MAST1: variants seen among roughly 807,000 people sequenced by gnomAD.
The protein encoded by MAST1 is microtubule associated serine/threonine kinase 1.
In MAST1, 40 loss-of-function variants were observed where a neutral mutation model predicts 124.6. That is an observed-to-expected ratio of 0.32 (90% CI 0.25 to 0.42). MAST1 has a LOEUF of 0.42. MAST1 is among the 10% of genes least tolerant of loss of function. MAST1 has a pLI of 1.00. For missense variants in MAST1, 1,558 were observed against 2,181.9 expected (o/e 0.71, Z 5.70); for synonymous variants, 938 against 939.4 (o/e 1.00, Z 0.03).
chr19:12,840,529 A>T lies in MAST1; in HGVS notation c.167A>T (p.His56Leu). 6.2e-7 allele frequency: 1 copy of T among 1,613,104 alleles called. No individual in the cohort carries two copies. Among genetic ancestry groups the T allele is most frequent in the Non-Finnish European group, 8.5e-7 (1 of 1,179,262 alleles). Residue 56 changes from histidine to leucine, a missense_variant, in exon 2 of 26, where the codon CAC becomes CTC. His to Leu is a moderately conservative substitution (Grantham distance 99, BLOSUM62 -3). Coordinates refer to ENST00000251472, the MANE Select transcript of MAST1 (RefSeq NM_014975.3). ...AGACCCCACTCCCCGCTGCCAGGTC[A>T]CCTAGGTGAGGCCAGTGGTAGAGAC... ...LPRPHSPLPG[H>L]LGSSPLDSPR...
chr19:12,865,851 A>G lies in MAST1; in HGVS notation c.1906+33A>G, dbSNP rs1380054403. The G allele has an allele frequency of 3.7e-6, 6 of 1,603,198 alleles. No individual in the cohort carries two copies. The Admixed American group carries it at 1.0e-4, about 27-fold the overall frequency. On this transcript the variant is annotated intron_variant, in intron 16 of 25. Coordinates refer to ENST00000251472, the MANE Select transcript of MAST1 (RefSeq NM_014975.3). This position sits in a 1 kb window ranked among gnomAD's most constrained non-coding sequence, Gnocchi z 7.1. The stretch of plus-strand genomic sequence containing the variant: ...CGCCATGCAGAGGAGCTGAGGGCCC[A>G]CTGATAGAGAGCAGGCCTCCAAAAC...
chr19:12,873,947 G>T lies in MAST1; in HGVS notation c.3790G>T (p.Val1264Leu). 1.3e-6 allele frequency: 2 copies of T among 1,595,110 alleles called. No individual in the cohort carries two copies. The highest frequency in any genetic ancestry group is 1.7e-6 in the Non-Finnish European group (2 of 1,177,276). ...CCCTCGCTCGCCGCTCCTCAAGCGC[G>T]TGCAGTCGGCCGAGAAGCTGGGAGC... is the stretch of plus-strand genomic sequence containing the variant. The part of the protein sequence containing the change: ...EPPRSPLLKR[V>L]QSAEKLGASL... The change falls in exon 26 of 26, where the codon GTG becomes TTG. Residue 1264 changes from valine to leucine, a missense_variant. Transcript: ENST00000251472.
Position 12,871,099 on chromosome 19 carries a change from G to C in MAST1, c.3190G>C (p.Ala1064Pro). 3 of 1,614,168 alleles carry C rather than the reference G, an allele frequency of 1.9e-6. No individual in the cohort carries two copies. The highest frequency in any genetic ancestry group is 2.5e-6 in the Non-Finnish European group (3 of 1,180,032). Reference sequence around the variant, plus strand: ...AAATACCTCTATCCGCATTGGTCCCGCAAGGCGCAGCAGCTACAAGGCTAA... The same window carrying C: ...AAATACCTCTATCCGCATTGGTCCCCCAAGGCGCAGCAGCTACAAGGCTAA... ...FENTSIRIGP[A>P]RRSSYKAKMA... Residue 1064 changes from alanine (A) to proline (P), a missense_variant, in exon 24 of 26, where the codon GCA becomes CCA. Physicochemically the swap from Ala to Pro is conservative, Grantham distance 27. Transcript: ENST00000251472.
At chr19:12,873,171 TA>T in intron 24 of MAST1, 152 bp from the exon 25 acceptor site, 1 of 706,122 alleles carries the variant, frequency 1.4e-6, no homozygotes, top group Non-Finnish European at 2.3e-6. Flanking sequence ...AGCACTGAGC[TA>T]AAGGAAGTTC....
At chr19:12,871,913 CA>C (rs34674708) in intron 24 of MAST1, among the ~76,000 whole-genome samples, 16,465 of 61,308 alleles carry the variant, frequency 0.27, 736 homozygotes, top group East Asian at 0.48. Context: ...TAGACTCTTT[CA>C]AAAAAAAAAA....
chr19:12,841,077 C>T lies in MAST1; in HGVS notation c.248+11C>T. 1 of 1,459,580 alleles carries T rather than the reference C, an allele frequency of 6.9e-7. No homozygotes were observed. The allele number at this position is 1,459,580 out of a possible 1,614,324, so 90.4% of individuals were successfully genotyped here. ...TGCCTCCTCCCGAAGGTGAGTCCCT[C>T]CCCTCCAGGGCCCCAGAACCCTGGG... On this transcript the variant is annotated intron_variant, in intron 3 of 25. Transcript: ENST00000251472. This position sits in a 1 kb window ranked among gnomAD's most constrained non-coding sequence, Gnocchi z 4.3.
At chr19:12,855,924 C>T (rs1314575963) in intron 10 of MAST1, among the ~76,000 whole-genome samples, 2 of 150,104 alleles carry the variant, frequency 1.3e-5, no homozygotes, top group Admixed American at 1.3e-4. Flanking sequence ...AGCAAATTCT[C>T]CTTGTAATTC....
chr19:12,874,039 C>A lies in MAST1; in HGVS notation c.3882C>A (p.Phe1294Leu). 6.2e-7 allele frequency: 1 copy of A among 1,605,380 alleles called. No individual in the cohort carries two copies. Residue 1294 changes from phenylalanine to leucine, a missense_variant, in exon 26 of 26, where the codon TTC (phenylalanine) becomes TTA (leucine). By Grantham distance (22) the Phe-to-Leu change is conservative (BLOSUM62 0). This residue lies in a region of MAST1 where 263 missense variants were observed against 310.9 expected (regional missense o/e 0.85). Transcript: ENST00000251472. This position sits in a 1 kb window ranked among gnomAD's most constrained non-coding sequence, Gnocchi z 6.6. The part of the protein sequence containing the change: ...KHSLEVGHPD[F>L]RKDFHGELAL... The stretch of plus-strand genomic sequence containing the variant: ...GCCTCGAGGTGGGCCACCCGGATTT[C>A]CGCAAGGACTTCCATGGCGAGCTGG...
chr19:12,839,322 A>C (rs1323162027), intron 1 of MAST1, among the ~76,000 whole-genome samples: 1 of 152,150 alleles, frequency 6.6e-6, no homozygotes, highest in Non-Finnish European at 1.5e-5. Context: ...GCACAGACAC[A>C]CAGGGGCACC....
rs1969902592 is a variant in MAST1, at chr19:12,847,087, C to G, written c.328-203C>G. 1 of 574,626 alleles carries G rather than the reference C, an allele frequency of 1.7e-6. No individual in the cohort carries two copies. The highest frequency in any genetic ancestry group is 2.9e-5 in the East Asian group (1 of 34,490). 35.6% of individuals were successfully genotyped at this position (574,626 alleles called of 1,614,324 possible). A position where few individuals can be genotyped will look rare whatever the true frequency, so the allele number is the denominator to read the frequency against. The stretch of plus-strand genomic sequence containing the variant: ...GACTTGACCCAAGCTTTAACAGACT[C>G]ACTGTCTCCACCCCTGTCTGTCCCT... On this transcript the variant is annotated intron_variant, in intron 4 of 25. Coordinates refer to ENST00000251472, the MANE Select transcript of MAST1 (RefSeq NM_014975.3). This position sits in a 1 kb window ranked among gnomAD's most constrained non-coding sequence, Gnocchi z 5.5.
chr19:12,873,797 A>G lies in MAST1; in HGVS notation c.3640A>G (p.Thr1214Ala). ...GCCGCTGGCACACACGCCGTCCCCC[A>G]CGCAGGCGTCACCGCCGCCACTGCC... Reference protein sequence around the residue: ...LSPLAHTPSPTQASPPPLPGH... With the variant: ...LSPLAHTPSPAQASPPPLPGH... Residue 1214 changes from threonine to alanine, a missense_variant, in exon 26 of 26, where the codon ACG becomes GCG. Thr to Ala is a moderately conservative substitution (Grantham distance 58, BLOSUM62 0). Around this residue, in one of 10 missense-constraint regions of MAST1, gnomAD observed 291 missense variants for 475.8 expected, o/e 0.61. Coordinates refer to ENST00000251472, the MANE Select transcript of MAST1 (RefSeq NM_014975.3). 6.3e-7 allele frequency: 1 copy of G among 1,596,360 alleles called. No homozygotes were observed. The highest frequency in any genetic ancestry group is 8.5e-7 in the Non-Finnish European group (1 of 1,178,050).
In MAST1 at chr19:12,841,524, G is replaced by A. The variant is rs764410811; in HGVS notation, c.248+458G>A. Among the ~76,000 whole-genome samples the A allele has an allele frequency of 2.6e-5, 4 of 152,204 alleles. No homozygotes were observed. The highest frequency in any genetic ancestry group is 5.9e-5 in the Non-Finnish European group (4 of 68,022). On this transcript the variant is annotated intron_variant, in intron 3 of 25. Coordinates refer to ENST00000251472, the MANE Select transcript of MAST1 (RefSeq NM_014975.3). The surrounding 1 kb of genome is among the most constrained non-coding windows in gnomAD (Gnocchi z 4.3). ...AGGTTTCTTTCCAAGGGTCTCTTAGGGTTTCTGGGGTGTCCTTAAATGAAT... is the reference window on the plus strand; with the variant it reads ...AGGTTTCTTTCCAAGGGTCTCTTAGAGTTTCTGGGGTGTCCTTAAATGAAT...
At chr19:12,850,034 G>A (rs960292735) in intron 7 of MAST1, among the ~76,000 whole-genome samples, 1 of 152,046 alleles carries the variant, frequency 6.6e-6, no homozygotes, top group Non-Finnish European at 1.5e-5. Context: ...CTGACCTTAG[G>A]TGATCCACCT....
chr19:12,858,006 C>CAAAAAAA (rs539497049), intron 10 of MAST1, among the ~76,000 whole-genome samples: 8 of 49,442 alleles, frequency 1.6e-4, no homozygotes, highest in African/African-American at 3.4e-4. Flanking sequence ...GAACCTATCT[C>CAAAAAAA]AAAAAAAAAA....
At chr19:12,868,402 C>T (rs1293710445) in intron 20 of MAST1, among the ~76,000 whole-genome samples, 1 of 152,110 alleles carries the variant, frequency 6.6e-6, no homozygotes, top group Admixed American at 6.6e-5. Flanking sequence ...AGCCACCACA[C>T]CCAGCCCAAT....
Position 12,866,752 on chromosome 19 carries a change from G to A in MAST1, c.2129G>A (p.Arg710His), listed in dbSNP as rs1346398396. The change falls in exon 18 of 26, where the codon CGC becomes CAC. Residue 710 changes from arginine to histidine, a missense_variant. Coordinates refer to ENST00000251472, the MANE Select transcript of MAST1 (RefSeq NM_014975.3). This position sits in a 1 kb window ranked among gnomAD's most constrained non-coding sequence, Gnocchi z 5.2. Reference protein sequence around the residue: ...EIRQFSSCSPRFSKVYSSMEQ... With the variant: ...EIRQFSSCSPHFSKVYSSMEQ... ...CGCCAGTTCTCTTCCTGCTCTCCGC[G>A]CTTCAGCAAGGTGGGCCAAGTCTGG... 1.9e-6 allele frequency: 3 copies of A among 1,613,068 alleles called. No individual in the cohort carries two copies. Among genetic ancestry groups the A allele is most frequent in the Non-Finnish European group, 1.7e-6 (2 of 1,179,568 alleles).
Position 12,858,776 on chromosome 19 carries a change from C to T in MAST1, c.1366+37C>T, listed in dbSNP as rs756623042. 13 of 1,609,680 alleles carry T rather than the reference C, an allele frequency of 8.1e-6. No individual in the cohort carries two copies. The East Asian group carries it at 1.6e-4, about 19-fold the overall frequency. ...TGCGGGGCTGCAGGGAAGATGGGGC[C>T]GTGCTCACTGGTCAGGGCTGCGGGG... On this transcript the variant is annotated intron_variant, in intron 12 of 25. Transcript: ENST00000251472.
intron 4 of MAST1, among the ~76,000 whole-genome samples, chr19:12,846,311 C>T (rs1969894024): frequency 6.6e-6 from 1 of 151,996 alleles, no homozygotes; most frequent in Non-Finnish European, 1.5e-5. Context: ...CCTTCGCCTC[C>T]CAAAGTGCTG....
Position 12,843,390 on chromosome 19 carries a change from A to C in MAST1, c.249-139A>C. On this transcript the variant is annotated intron_variant, in intron 3 of 25. Coordinates refer to ENST00000251472, the MANE Select transcript of MAST1 (RefSeq NM_014975.3). The surrounding 1 kb of genome is among the most constrained non-coding windows in gnomAD (Gnocchi z 4.9). ...GTCCCTCTTTATCCCCTTGATTCTG[A>C]GGGCCTTGAGGAATCTTAGAGTGCA... 3 of 570,442 alleles carry C rather than the reference A, an allele frequency of 5.3e-6. No homozygotes were observed. Among genetic ancestry groups the C allele is most frequent in the Non-Finnish European group, 9.3e-6 (3 of 323,754 alleles). 35.3% of individuals were successfully genotyped at this position (570,442 alleles called of 1,614,324 possible). A position where few individuals can be genotyped will look rare whatever the true frequency, so the allele number is the denominator to read the frequency against.
Sources: gnomAD v4.1 joint callset for allele counts (sites outside exome capture counted in the v4.1 genomes callset) on GRCh38, gnomAD v4.1.1 for gene constraint, gnomAD v4.1.1 regional missense constraint, Gnocchi (gnomAD v3.1) non-coding constraint, MANE v1.5 for transcripts, NCBI Gene and HGNC (gene_info 2026-07-23, HGNC 2026-07-21) for gene names.